ATAD5: variants seen among roughly 807,000 people sequenced by gnomAD.
ATAD5 encodes ATPase family AAA domain-containing protein 5.
In ATAD5, 58 loss-of-function variants were observed where a neutral mutation model predicts 176.9. The ratio of observed to expected loss-of-function variants is 0.33; its 90% CI spans 0.27 to 0.41. The LOEUF (loss-of-function observed/expected upper bound fraction) is 0.41. Among genes scored for constraint, ATAD5 ranks in the 10% least tolerant of loss-of-function variants. The pLI, the probability that ATAD5 is intolerant of heterozygous loss-of-function variation, is 1.00. For missense variants in ATAD5, 1,789 were observed against 2,094.1 expected (o/e 0.85, Z 2.84); for synonymous variants, 640 against 712.6 (o/e 0.90, Z 1.62).
chr17:30,836,111 A>G, intron 2 of ATAD5, 63 bp downstream of exon 2: 2 of 1,374,118 alleles, frequency 1.5e-6, no homozygotes, highest in Non-Finnish European at 1.9e-6. Context: ...GGGGACAAAA[A>G]TGCTTCAAGT....
intron 18 of ATAD5, among the ~76,000 whole-genome samples, chr17:30,883,192 T>C (rs2142434177): frequency 6.6e-6 from 1 of 151,212 alleles, no homozygotes; most frequent in South Asian, 2.1e-4. Flanking sequence ...TGGCTCAGTC[T>C]CAGCTCACTG....
intron 19 of ATAD5, among the ~76,000 whole-genome samples, chr17:30,888,088 C>T (rs1389313448): frequency 6.6e-6 from 1 of 151,812 alleles, no homozygotes; most frequent in African/African-American, 2.4e-5. Context: ...TTGCCTCGGC[C>T]TCCCAAAGTA....
At chr17:30,865,282 C>G (rs758208223) in intron 10 of ATAD5, among the ~76,000 whole-genome samples, 1 of 151,826 alleles carries the variant, frequency 6.6e-6, no homozygotes, top group African/African-American at 2.4e-5. Flanking sequence ...ACACCATTCT[C>G]CTGCCTCAGC....
intron 14 of ATAD5, among the ~76,000 whole-genome samples, chr17:30,876,029 C>T (rs1168192840): frequency 1.3e-5 from 2 of 150,336 alleles, no homozygotes; most frequent in Admixed American, 6.6e-5. Context: ...CCCAGCTACT[C>T]GGGAGGCTGA....
intron 6 of ATAD5, among the ~76,000 whole-genome samples, chr17:30,849,347 T>C (rs542264478): frequency 1.3e-5 from 2 of 152,288 alleles, no homozygotes; most frequent in South Asian, 4.1e-4. Context: ...TCTTCCTTCC[T>C]CAGTCTCCTG....
chr17:30,866,758 C>T (rs943441824), intron 11 of ATAD5, among the ~76,000 whole-genome samples: 10 of 151,818 alleles, frequency 6.6e-5, no homozygotes, highest in African/African-American at 2.4e-4. Flanking sequence ...AGGATTGCAG[C>T]GAGCCGAGGT....
chr17:30,869,946 C>T lies in ATAD5; in HGVS notation c.3607+300C>T, dbSNP rs75928669. On this transcript the variant is annotated intron_variant, in intron 14 of 22. Transcript: ENST00000321990. ...GCAGCATAGCGAGACCTTGTCTCTA[C>T]AAATAATAAAAAAAAAAAGTAGCTA... 902 of 229,622 alleles carry T rather than the reference C, an allele frequency of 3.9e-3. 3 individuals carry two copies. Among genetic ancestry groups the T allele is most frequent in the African/African-American group, 0.014 (605 of 42,268 alleles). The allele number at this position is 229,622 out of a possible 1,614,324, so 14.2% of individuals were successfully genotyped here. A position where few individuals can be genotyped will look rare whatever the true frequency, so the allele number is the denominator to read the frequency against.
intron 19 of ATAD5, 129 bp downstream of exon 19, chr17:30,887,501 G>A (rs1214634956): frequency 1.4e-6 from 1 of 691,564 alleles, no homozygotes; most frequent in Non-Finnish European, 2.4e-6. Flanking sequence ...AGGATCTCTT[G>A]AGGCCAGGAG....
chr17:30,895,786 G>C lies in ATAD5; in HGVS notation c.*873G>C, dbSNP rs1475045110. The C allele has an allele frequency of 6.6e-6, 1 of 151,892 alleles. No homozygotes were observed. 9.4% of individuals were successfully genotyped at this position (151,892 alleles called of 1,614,324 possible). On this transcript the variant is annotated 3_prime_UTR_variant, in exon 23 of 23. Transcript: ENST00000321990. The stretch of plus-strand genomic sequence containing the variant: ...AGATAGATATTTTTACCTCTTATTT[G>C]TTCAATTTACTTTTTCTTGTATTAA...
intron 1 of ATAD5, among the ~76,000 whole-genome samples, chr17:30,832,999 G>A (rs1437308441): frequency 2.0e-5 from 3 of 152,216 alleles, no homozygotes; most frequent in African/African-American, 7.2e-5. Flanking sequence ...CTAATGCCAT[G>A]AAGTAGTGGG....
chr17:30,865,971 T>C (rs1907952371), intron 11 of ATAD5, among the ~76,000 whole-genome samples, 171 bp downstream of exon 11: 1 of 152,090 alleles, frequency 6.6e-6, no homozygotes, highest in South Asian at 2.1e-4. Context: ...TTCTCAGAGA[T>C]AATCATTGAA....
At chr17:30,845,025 A>C (rs75672143) in intron 6 of ATAD5, 109 bp downstream of exon 6, 24,520 of 1,014,572 alleles carry the variant, frequency 0.024, 393 homozygotes, top group Middle Eastern at 0.025. Flanking sequence ...AAGCTCTAGT[A>C]AGTCCAGTTT....
At chr17:30,875,787 C>A (rs973765331) in intron 14 of ATAD5, among the ~76,000 whole-genome samples, 3 of 148,102 alleles carry the variant, frequency 2.0e-5, no homozygotes, top group African/African-American at 5.0e-5. Flanking sequence ...CAAAGTGAGA[C>A]CCTGACTCAA....
intron 15 of ATAD5, 45 bp downstream of exon 15, chr17:30,876,595 A>G: frequency 8.3e-7 from 1 of 1,202,536 alleles, no homozygotes; most frequent in Non-Finnish European, 1.1e-6. Flanking sequence ...AATAATAATG[A>G]CCCTTATACC....
intron 2 of ATAD5, among the ~76,000 whole-genome samples, chr17:30,836,534 A>AT (rs966574074): frequency 6.0e-5 from 9 of 150,134 alleles, no homozygotes; most frequent in Non-Finnish European, 7.4e-5. Context: ...ATGTAATTAA[A>AT]TTTTTTTTTT....
intron 19 of ATAD5, among the ~76,000 whole-genome samples, chr17:30,889,645 C>T (rs1204776315): frequency 2.0e-5 from 3 of 150,412 alleles, no homozygotes; most frequent in Admixed American, 6.6e-5. Flanking sequence ...AAGTGAGTAC[C>T]TTCTCCATGC....
intron 10 of ATAD5, among the ~76,000 whole-genome samples, chr17:30,861,496 C>G (rs553017630): frequency 2.6e-5 from 4 of 151,812 alleles, no homozygotes; most frequent in Admixed American, 1.3e-4. Context: ...TTTGATTTTT[C>G]TGTGCTTCCA....
intron 6 of ATAD5, 66 bp from the exon 7 acceptor site, chr17:30,855,077 C>A: frequency 7.2e-7 from 1 of 1,389,624 alleles, no homozygotes; most frequent in East Asian, 2.5e-5. Flanking sequence ...GTTTATTTTC[C>A]AGATAGTTTA....
At chr17:30,881,107 TA>T (rs34653985) in intron 18 of ATAD5, among the ~76,000 whole-genome samples, 142 of 144,560 alleles carry the variant, frequency 9.8e-4, no homozygotes, top group Middle Eastern at 3.6e-3. Context: ...TTCATTCTTC[TA>T]AAAAAAAAAA....
Sources: gnomAD v4.1 joint callset for allele counts (sites outside exome capture counted in the v4.1 genomes callset) on GRCh38, gnomAD v4.1.1 for gene constraint, MANE v1.5 for transcripts, NCBI Gene and HGNC (gene_info 2026-07-23, HGNC 2026-07-21) for gene names.